Variants in ARHGEF3 observed in about 807,000 individuals in gnomAD.
ARHGEF3 encodes the protein Rho guanine nucleotide exchange factor 3.
ARHGEF3 carries 28 observed loss-of-function variants against 63.2 expected under a neutral mutation model. That is an observed-to-expected ratio of 0.44 (90% CI 0.33 to 0.61). The LOEUF (loss-of-function observed/expected upper bound fraction) is 0.61, where lower values mean the gene tolerates loss of function less well. Among genes scored for constraint, ARHGEF3 ranks in the 20% least tolerant of loss-of-function variants. ARHGEF3 has a pLI of 0.03. For missense variants in ARHGEF3, 533 were observed against 659.3 expected, an observed-to-expected ratio of 0.81 and a Z score of 2.10; for synonymous variants, 266 against 254.2, an observed-to-expected ratio of 1.05 and a Z score of -0.44.
intron 2 of ARHGEF3, among the ~76,000 whole-genome samples, chr3:57,002,553 A>T (rs1316932011): frequency 1.0e-5 from 1 of 96,154 alleles, no homozygotes; most frequent in Non-Finnish European, 2.5e-5. Flanking sequence ...ATGTTATGTT[A>T]TATATATGTT....
chr3:56,840,398 T>A (rs2039271420), intron 4 of ARHGEF3, among the ~76,000 whole-genome samples: 1 of 152,242 alleles, frequency 6.6e-6, no homozygotes, highest in Non-Finnish European at 1.5e-5. Context: ...GGAACAGAGA[T>A]GTGTCCAGTT....
intron 1 of ARHGEF3, among the ~76,000 whole-genome samples, chr3:57,042,318 G>A (rs1036685188): frequency 1.3e-5 from 2 of 152,010 alleles, no homozygotes; most frequent in African/African-American, 4.8e-5. Flanking sequence ...GCACTAGCAT[G>A]GGAAACACAG....
chr3:57,023,709 C>A (rs1703354790), intron 2 of ARHGEF3, among the ~76,000 whole-genome samples: 1 of 152,230 alleles, frequency 6.6e-6, no homozygotes, highest in Non-Finnish European at 1.5e-5. Flanking sequence ...TTGGCACACA[C>A]TGCCCCTTCC....
At chr3:57,062,447 ACGGCGG>A (rs1422020576) in intron 1 of ARHGEF3, among the ~76,000 whole-genome samples, 3 of 152,198 alleles carry the variant, frequency 2.0e-5, no homozygotes, top group African/African-American at 7.2e-5. Context: ...GCTCAGGAGC[ACGGCGG>A]CGGGGGCGGG....
At chr3:57,070,215 G>A (rs1460946759) in intron 1 of ARHGEF3, among the ~76,000 whole-genome samples, 1 of 152,198 alleles carries the variant, frequency 6.6e-6, no homozygotes, top group Non-Finnish European at 1.5e-5. Context: ...GGGGTTATGG[G>A]AGTATCTTAG....
chr3:56,957,641 T>C, intron 3 of ARHGEF3, among the ~76,000 whole-genome samples: 1 of 152,102 alleles, frequency 6.6e-6, no homozygotes, highest in Admixed American at 6.6e-5. Flanking sequence ...CAGGGGTACA[T>C]AGGAGATTCA....
At chr3:56,857,759 G>C (rs1313066122) in intron 4 of ARHGEF3, among the ~76,000 whole-genome samples, 1 of 151,980 alleles carries the variant, frequency 6.6e-6, no homozygotes, top group Non-Finnish European at 1.5e-5. Flanking sequence ...TTCTTTTTTA[G>C]GAAACAGCCT....
At chr3:56,851,593 G>A (rs1026009890) in intron 4 of ARHGEF3, among the ~76,000 whole-genome samples, 12 of 151,400 alleles carry the variant, frequency 7.9e-5, no homozygotes, top group South Asian at 4.2e-4. Context: ...TTACCATGTC[G>A]CCCAAGTTGG....
chr3:56,924,635 G>C (rs1384563533), intron 3 of ARHGEF3, among the ~76,000 whole-genome samples: 1 of 152,228 alleles, frequency 6.6e-6, no homozygotes, highest in South Asian at 2.1e-4. Context: ...GTAACTTCCT[G>C]ACGTTGCCAA....
Position 56,943,425 on chromosome 3 carries a change from C to T in ARHGEF3, c.129+15398G>A, listed in dbSNP as rs540098554. Among the ~76,000 whole-genome samples, 18 of 152,314 alleles carry T rather than the reference C, an allele frequency of 1.2e-4. 1 individual carries two copies. The highest frequency in any genetic ancestry group is 4.1e-4 in the South Asian group (2 of 4,828). ...ACTTACTGAATATTTTAAGCCCACTCTTGAGACTTACCGCTCAGAAAAAAA... is the reference window on the plus strand; with the variant it reads ...ACTTACTGAATATTTTAAGCCCACTTTTGAGACTTACCGCTCAGAAAAAAA... On this transcript the variant is annotated intron_variant, in intron 3 of 12. Transcript: ENST00000338458.
At chr3:56,947,553 A>G (rs1299447712) in intron 3 of ARHGEF3, among the ~76,000 whole-genome samples, 9 of 152,154 alleles carry the variant, frequency 5.9e-5, no homozygotes, top group Non-Finnish European at 1.0e-4. Context: ...AATGGTAAAG[A>G]GATCAATTCA....
At chr3:56,996,777 T>C (rs1366146962) in intron 2 of ARHGEF3, among the ~76,000 whole-genome samples, 1 of 152,088 alleles carries the variant, frequency 6.6e-6, no homozygotes, top group Non-Finnish European at 1.5e-5. Flanking sequence ...ATGCAGACCC[T>C]ATAGCCCAAG....
chr3:56,918,707 G>A (rs1047713397), intron 3 of ARHGEF3, among the ~76,000 whole-genome samples: 3 of 152,208 alleles, frequency 2.0e-5, no homozygotes, highest in African/African-American at 7.2e-5. Flanking sequence ...TCAATAGTAA[G>A]AGGCTCTGAT....
At chr3:56,975,690 G>C (rs974299774) in intron 2 of ARHGEF3, 6 of 339,554 alleles carry the variant, frequency 1.8e-5, no homozygotes, top group African/African-American at 1.3e-4. Context: ...TTGATGAACA[G>C]AGAAACAGAT....
At chr3:57,035,315 C>T (rs1199219243) in intron 1 of ARHGEF3, 13 of 481,828 alleles carry the variant, frequency 2.7e-5, no homozygotes, top group Non-Finnish European at 4.3e-5. Flanking sequence ...TTCCTTCTTC[C>T]ATAATTATTC....
chr3:56,942,852 A>C (rs1452564572), intron 3 of ARHGEF3, among the ~76,000 whole-genome samples: 1 of 152,230 alleles, frequency 6.6e-6, no homozygotes, highest in Non-Finnish European at 1.5e-5. Flanking sequence ...TGGTGTGGAT[A>C]AAAGATCAAA....
chr3:57,056,480 G>A (rs370553830), intron 1 of ARHGEF3, among the ~76,000 whole-genome samples: 1 of 151,880 alleles, frequency 6.6e-6, no homozygotes, highest in Non-Finnish European at 1.5e-5. Context: ...AGATATGGGA[G>A]GGAGCTGGCC....
chr3:56,732,293 A>G lies in ARHGEF3; in HGVS notation c.1173T>C (p.Asp391=), dbSNP rs754036374. The change falls in exon 9 of 10, where the codon GAT becomes GAC. Residue 391 remains aspartate (D), a synonymous_variant. Coordinates refer to ENST00000296315, the MANE Select transcript of ARHGEF3 (RefSeq NM_019555.3). ...GGGAGCCACCCAGCCTCACTTCTCC[A>G]TCCTGGAGGTCTTCCAGCAGGAGGT... The part of the protein sequence containing the change: ...VKDLLLEDLQ[D]GEVRLGGSLR... 12 of 1,614,008 alleles carry G rather than the reference A, an allele frequency of 7.4e-6. No homozygotes were observed. Among genetic ancestry groups the G allele is most frequent in the Admixed American group, 6.7e-5 (4 of 59,988 alleles).
At chr3:56,941,273 T>C (rs1410407100) in intron 3 of ARHGEF3, among the ~76,000 whole-genome samples, 1 of 152,222 alleles carries the variant, frequency 6.6e-6, no homozygotes, top group African/African-American at 2.4e-5. Context: ...ACTGGCATGA[T>C]CTTGGCTCAC....
Sources: allele counts gnomAD v4.1 joint callset (sites outside exome capture counted in the v4.1 genomes callset), GRCh38; gene constraint gnomAD v4.1.1; transcripts MANE v1.5; gene names NCBI Gene and HGNC (gene_info 2026-07-23, HGNC 2026-07-21).